The following PCDH15 variants were observed in gnomAD, a reference collection of about 807,000 sequenced individuals.
PCDH15 encodes the protein protocadherin-15.
A neutral mutation model predicts 178.5 loss-of-function variants in PCDH15; 129 were observed. The ratio of observed to expected loss-of-function variants is 0.72; its 90% confidence interval spans 0.63 to 0.84. The LOEUF (loss-of-function observed/expected upper bound fraction) is 0.84, where lower values mean the gene tolerates loss of function less well. Ranked by LOEUF, PCDH15 falls within the 40% of genes least tolerant of loss-of-function variation. The pLI is 0.00. For synonymous variants in PCDH15, 800 were observed against 732.0 expected (o/e 1.09, Z -1.50); for missense variants, 2,230 against 2,099.9 (o/e 1.06, Z -1.21).
chr10:55,454,778 C>T (rs1226864797), intron 2 of PCDH15, among the ~76,000 whole-genome samples: 1 of 55,242 alleles, frequency 1.8e-5, no homozygotes, highest in African/African-American at 1.5e-4. Context: ...GAGACTCTGT[C>T]TCAAAAAAAA....
rs1233449433 is a variant in PCDH15, at chr10:53,823,174, C to CAGAT, written c.4368-2948_4368-2945dup. 2.3e-5 allele frequency: 37 copies of CAGAT among 1,613,890 alleles called. No individual in the cohort carries two copies. The highest frequency in any genetic ancestry group is 3.1e-5 in the Non-Finnish European group (37 of 1,179,938). ...TTATGGGCACTTAAGTCATCCTCAT[C>CAGAT]AGATAGAAATGTGAATTTTCTTGCA... On this transcript the variant is annotated intron_variant, in intron 32 of 37. Transcript: ENST00000644397.
chr10:54,126,902 C>CA (rs1232026855), intron 15 of PCDH15, among the ~76,000 whole-genome samples: 3 of 151,960 alleles, frequency 2.0e-5, no homozygotes, highest in Non-Finnish European at 2.9e-5. Context: ...TTTTAAAATA[C>CA]AAAAAATATT....
intron 2 of PCDH15, among the ~76,000 whole-genome samples, chr10:55,520,764 A>T (rs1296093281): frequency 6.6e-6 from 1 of 151,842 alleles, no homozygotes; most frequent in Non-Finnish European, 1.5e-5. Flanking sequence ...AATAAGAGAT[A>T]TATCTCTCTG....
At chr10:55,274,668 C>T (rs1592041160) in intron 1 of PCDH15, among the ~76,000 whole-genome samples, 1 of 152,042 alleles carries the variant, frequency 6.6e-6, no homozygotes, top group Non-Finnish European at 1.5e-5. Context: ...AGCAGTGGTC[C>T]CCAACCTTTT....
At chr10:54,461,330 A>C (rs1232172061) in intron 3 of PCDH15, among the ~76,000 whole-genome samples, 1 of 152,124 alleles carries the variant, frequency 6.6e-6, no homozygotes, top group Non-Finnish European at 1.5e-5. Flanking sequence ...ACAGCAGATC[A>C]TGTACATTTT....
At chr10:54,585,899 A>G (rs953217367) in intron 2 of PCDH15, among the ~76,000 whole-genome samples, 3 of 152,170 alleles carry the variant, frequency 2.0e-5, no homozygotes, top group African/African-American at 7.2e-5. Context: ...TAGCCACTTC[A>G]TCTCTGCCTC....
intron 1 of PCDH15, among the ~76,000 whole-genome samples, chr10:54,683,094 CTT>C (rs1203275561): frequency 6.6e-6 from 1 of 152,010 alleles, no homozygotes; most frequent in Non-Finnish European, 1.5e-5. Context: ...TATTATAAGA[CTT>C]TGAAAGTCAT....
At chr10:54,141,349 G>C (rs1473037770) in intron 14 of PCDH15, among the ~76,000 whole-genome samples, 5 of 151,860 alleles carry the variant, frequency 3.3e-5, no homozygotes, top group Admixed American at 3.3e-4. Flanking sequence ...ATAATTTTAA[G>C]GTTCTTGGCA....
At chr10:54,116,353 T>G (rs1167853061) in intron 15 of PCDH15, among the ~76,000 whole-genome samples, 1 of 151,930 alleles carries the variant, frequency 6.6e-6, no homozygotes, top group Non-Finnish European at 1.5e-5. Flanking sequence ...CAGGCCAGTA[T>G]AAACAATATA....
chr10:53,967,650 A>G (rs2089187817), intron 21 of PCDH15, among the ~76,000 whole-genome samples: 1 of 152,188 alleles, frequency 6.6e-6, no homozygotes, highest in Admixed American at 6.5e-5. Flanking sequence ...TTTTATATAT[A>G]CCCAATAAGT....
chr10:55,488,616 T>G (rs1328310928), intron 2 of PCDH15, among the ~76,000 whole-genome samples: 1 of 151,560 alleles, frequency 6.6e-6, no homozygotes, highest in Non-Finnish European at 1.5e-5. Flanking sequence ...ATACCCCAAT[T>G]TGAATTTTTT....
intron 3 of PCDH15, among the ~76,000 whole-genome samples, chr10:54,404,483 C>T (rs777982640): frequency 1.6e-4 from 25 of 152,058 alleles, no homozygotes; most frequent in Non-Finnish European, 2.8e-4. Flanking sequence ...AAGATTAAAA[C>T]TAGACCCCTT....
intron 2 of PCDH15, among the ~76,000 whole-genome samples, chr10:55,006,904 G>C (rs759832416): frequency 8.5e-5 from 13 of 152,086 alleles, no homozygotes; most frequent in Non-Finnish European, 1.8e-4. Flanking sequence ...CAATGCTGTA[G>C]GTGGGGCCTG....
intron 2 of PCDH15, among the ~76,000 whole-genome samples, chr10:55,544,246 T>G (rs1054775241): frequency 1.0e-4 from 15 of 147,906 alleles, no homozygotes; most frequent in Non-Finnish European, 1.9e-4. Context: ...AGATAGAAAT[T>G]ATGAAATTAT....
intron 8 of PCDH15, among the ~76,000 whole-genome samples, chr10:54,315,515 C>A (rs1287368090): frequency 6.6e-6 from 1 of 152,124 alleles, no homozygotes; most frequent in Admixed American, 6.6e-5. Flanking sequence ...TTAAGCTGTG[C>A]AGAAGCTCTT....
intron 1 of PCDH15, among the ~76,000 whole-genome samples, chr10:54,674,295 T>A (rs963979496): frequency 1.3e-5 from 2 of 152,176 alleles, no homozygotes; most frequent in African/African-American, 4.8e-5. Flanking sequence ...TTTTTGAGTA[T>A]GATAGATGTT....
rs149921338 is a variant in PCDH15, at chr10:54,197,244, A to G, written c.1099-1355T>C. Among the ~76,000 whole-genome samples, 1,078 of 152,080 alleles carry G rather than the reference A, an allele frequency of 7.1e-3. 8 individuals are homozygous for G. Among genetic ancestry groups the G allele is most frequent in the African/African-American group, 0.025 (1,030 of 41,534 alleles). On this transcript the variant is annotated intron_variant, in intron 10 of 37. Transcript: ENST00000644397. ...GAAGTTGATAAAAATTTCTGTTTCT[A>G]ACACATTTTCATACAAAATCTCTAC...
intron 8 of PCDH15, among the ~76,000 whole-genome samples, chr10:54,315,143 A>G (rs1410795658): frequency 2.0e-5 from 3 of 151,936 alleles, no homozygotes. Context: ...ACTAATTTAT[A>G]CTCCCACCAA....
chr10:54,022,699 A>G (rs1190438865), intron 19 of PCDH15, among the ~76,000 whole-genome samples, 193 bp downstream of exon 19: 1 of 152,140 alleles, frequency 6.6e-6, no homozygotes, highest in African/African-American at 2.4e-5. Context: ...TTTTTGGGAT[A>G]TCTTTAAAGT....
Sources: allele counts gnomAD v4.1 joint callset (sites outside exome capture counted in the v4.1 genomes callset), GRCh38; gene constraint gnomAD v4.1.1; transcripts MANE v1.5; gene names NCBI Gene and HGNC (gene_info 2026-07-23, HGNC 2026-07-21).